SIN3A: variants seen among roughly 807,000 people sequenced by gnomAD.
The protein encoded by SIN3A is SIN3 transcription regulator family member A.
Under a neutral mutation model 146.1 loss-of-function variants are expected in SIN3A, and 14 were observed. The observed-to-expected ratio is 0.10, with a 90% CI of 0.06 to 0.15. The LOEUF is 0.15. Among genes scored for constraint, SIN3A ranks in the 10% least tolerant of loss-of-function variants. The pLI, the probability that SIN3A is intolerant of heterozygous loss-of-function variation, is 1.00. For synonymous variants in SIN3A, 572 were observed against 572.0 expected, an observed-to-expected ratio of 1.00 and a Z score of 0.00; for missense variants, 1,028 against 1,576.0, an observed-to-expected ratio of 0.65 and a Z score of 5.89.
intron 2 of SIN3A, among the ~76,000 whole-genome samples, chr15:75,426,542 T>C (rs1301896952): frequency 1.3e-5 from 2 of 152,228 alleles, no homozygotes; most frequent in Admixed American, 6.5e-5. Flanking sequence ...CCCAGACCAG[T>C]TATATGCTGA....
chr15:75,389,700 G>A lies in SIN3A; in HGVS notation c.2973C>T (p.Ala991=), dbSNP rs758951618. The change falls in exon 16 of 21, where the codon GCC becomes GCT. Residue 991 remains alanine (A), a synonymous_variant. Coordinates refer to ENST00000394947, the MANE Select transcript of SIN3A (RefSeq NM_001145358.2). The stretch of plus-strand genomic sequence containing the variant: ...GTTTGTCCATGGTAAAGGCAATGTA[G>A]GCATGAATGGTGAACATCTCTCTCA... ...DSLREMFTIH[A]YIAFTMDKLI... is the part of the protein sequence containing the mutation. 7 of 1,614,002 alleles carry A rather than the reference G, an allele frequency of 4.3e-6. No homozygotes were observed. The East Asian group carries it at 1.6e-4, about 36-fold the overall frequency.
rs529285402 is a variant in SIN3A at position 75,442,227 on chromosome 15, G to A, written c.-34+9196C>T. 5.1e-5 allele frequency among the ~76,000 whole-genome samples: 7 copies of A among 138,332 alleles called. No individual in the cohort carries two copies. In the South Asian group the frequency reaches 1.6e-3, roughly 31 times the overall value. The allele number at this position is 138,332 out of a possible 152,430, so 90.8% of individuals were successfully genotyped here. On this transcript the variant is annotated intron_variant, in intron 1 of 20. Coordinates refer to ENST00000394947, the MANE Select transcript of SIN3A (RefSeq NM_001145358.2). ...ATACATATACGTAACTTTGGCACCT[G>A]TCCACTTACAAACTGCATCAACTAA...
At chr15:75,410,071 C>G in intron 7 of SIN3A, 63 bp downstream of exon 7, 1 of 1,602,470 alleles carries the variant, frequency 6.2e-7, no homozygotes, top group Non-Finnish European at 8.5e-7. Flanking sequence ...CTTCTGAGCA[C>G]AGTTTTCCAA....
Position 75,396,425 on chromosome 15 carries a change from G to A in SIN3A, c.1926C>T (p.Arg642=), listed in dbSNP as rs774223504. 5.6e-6 allele frequency: 9 copies of A among 1,614,012 alleles called. No individual in the cohort carries two copies. Among genetic ancestry groups the A allele is most frequent in the Non-Finnish European group, 6.8e-6 (8 of 1,179,996 alleles). Residue 642 remains arginine (R), a synonymous_variant, in exon 13 of 21, where the codon CGC becomes CGT. Coordinates refer to ENST00000394947, the MANE Select transcript of SIN3A (RefSeq NM_001145358.2). ...VLEAIQKKLS[R]LSAEEQAKFR... is the part of the protein sequence containing the mutation. ...ATTTGGCTTGTTCTTCAGCAGACAA[G>A]CGGGAAAGCTTCTTCTGTATTGCTT...
chr15:75,434,738 C>T (rs914332383), intron 1 of SIN3A, among the ~76,000 whole-genome samples: 8 of 151,348 alleles, frequency 5.3e-5, no homozygotes, highest in African/African-American at 1.9e-4. Context: ...CACCTGACGT[C>T]GGGAGTTTGA....
At chr15:75,393,616 C>T (rs965255613) in intron 14 of SIN3A, among the ~76,000 whole-genome samples, 4 of 152,210 alleles carry the variant, frequency 2.6e-5, no homozygotes, top group South Asian at 2.1e-4. Flanking sequence ...CTCAAGTTAT[C>T]TGTCCACCTC....
In SIN3A at chr15:75,384,288, T is replaced by A. The variant is rs545728283; in HGVS notation, c.3171A>T (p.Leu1057=). The change falls in exon 17 of 21, where the codon CTA becomes CTT. Residue 1057 remains leucine (L), a synonymous_variant. Transcript: ENST00000394947. ...ESTYQRKAEQ[L]MSDENCFKLM... is the part of the protein sequence containing the mutation. Reference sequence around the variant, plus strand: ...CCTTAAAGCAATTCTCATCTGACATTAGCTGCTCAGCTTTCCGCTGATACG... The same window carrying A: ...CCTTAAAGCAATTCTCATCTGACATAAGCTGCTCAGCTTTCCGCTGATACG... 6.2e-7 allele frequency: 1 copy of A among 1,612,852 alleles called. No homozygotes were observed. The highest frequency in any genetic ancestry group is 1.1e-5 in the South Asian group (1 of 90,950).
chr15:75,380,876 T>G, intron 18 of SIN3A, 153 bp from the exon 19 acceptor site: 1 of 607,702 alleles, frequency 1.6e-6, no homozygotes, highest in Non-Finnish European at 3.0e-6. Flanking sequence ...TGATTGTTAG[T>G]AGGTATTGGA....
At chr15:75,374,754 T>C (rs1465396986) in intron 20 of SIN3A, among the ~76,000 whole-genome samples, 5 of 152,204 alleles carry the variant, frequency 3.3e-5, no homozygotes, top group African/African-American at 4.8e-5. Flanking sequence ...CATCCTCTAC[T>C]CTTCACCAGG....
At chr15:75,450,249 C>CGG (rs2074378461) in intron 1 of SIN3A, among the ~76,000 whole-genome samples, 3 of 151,962 alleles carry the variant, frequency 2.0e-5, no homozygotes, top group Non-Finnish European at 4.4e-5. Context: ...TCCAAACTTT[C>CGG]CTGTTATAAA....
chr15:75,382,688 T>C (rs959117911), intron 17 of SIN3A, among the ~76,000 whole-genome samples: 1 of 152,208 alleles, frequency 6.6e-6, no homozygotes, highest in African/African-American at 2.4e-5. Flanking sequence ...GGCTCACACC[T>C]GTAATCCCAG....
Position 75,413,089 on chromosome 15 carries a change from A to T in SIN3A, c.474-44T>A, listed in dbSNP as rs149180559. 7 of 1,547,012 alleles carry T rather than the reference A, an allele frequency of 4.5e-6. No homozygotes were observed. In the East Asian group the frequency reaches 1.7e-4, roughly 37 times the overall value. On this transcript the variant is annotated intron_variant, in intron 4 of 20. Coordinates refer to ENST00000394947, the MANE Select transcript of SIN3A (RefSeq NM_001145358.2). ...AAAAGTGATAAACTGTAAGCTTAAC[A>T]AACACCCTGTTAAGAAAAAATTTCA... is the stretch of plus-strand genomic sequence containing the variant.
At chr15:75,455,323 C>G (rs951425208), upstream of SIN3A, among the ~76,000 whole-genome samples, 5 of 152,196 alleles carry the variant, frequency 3.3e-5, no homozygotes, top group African/African-American at 1.2e-4. Flanking sequence ...CGCCCCCTGC[C>G]GAGCCCGCAC....
intron 2 of SIN3A, among the ~76,000 whole-genome samples, chr15:75,426,601 A>G (rs924386058): frequency 6.6e-5 from 10 of 152,208 alleles, no homozygotes; most frequent in African/African-American, 2.2e-4. Context: ...AAACAGCACA[A>G]TAGTATGTAA....
Position 75,370,925 on chromosome 15 carries a change from G to A in SIN3A, c.*1054C>T. 1 of 144,138 alleles carries A rather than the reference G, an allele frequency of 6.9e-6. No individual in the cohort carries two copies. Among genetic ancestry groups the A allele is most frequent in the South Asian group, 2.2e-4 (1 of 4,518 alleles). 8.9% of individuals were successfully genotyped at this position (144,138 alleles called of 1,614,324 possible). A position where few individuals can be genotyped will look rare whatever the true frequency, so the allele number is the denominator to read the frequency against. On this transcript the variant is annotated 3_prime_UTR_variant, in exon 21 of 21. Coordinates refer to ENST00000394947, the MANE Select transcript of SIN3A (RefSeq NM_001145358.2). ...TGAGGACAAGGGACGTGGGTTGAGA[G>A]TTTATTCCTTAAGTAAGAACCAAGC...
intron 1 of SIN3A, among the ~76,000 whole-genome samples, chr15:75,440,338 C>T (rs978845202): frequency 2.0e-5 from 3 of 151,282 alleles, no homozygotes; most frequent in African/African-American, 7.3e-5. Context: ...TCAAGCAATT[C>T]CTGTGCCTCA....
rs1052589663 is a variant in SIN3A at position 75,400,609 on chromosome 15, A to G, written c.1737+121T>C. On this transcript the variant is annotated intron_variant, in intron 11 of 20. Transcript: ENST00000394947. Reference sequence around the variant, plus strand: ...AAAAAGTAGAAAACATTTTCTTTTTAAAAAGGATTAAAAGGGTTCTTAATT... The same window carrying G: ...AAAAAGTAGAAAACATTTTCTTTTTGAAAAGGATTAAAAGGGTTCTTAATT... 3 of 783,064 alleles carry G rather than the reference A, an allele frequency of 3.8e-6. No homozygotes were observed. In the African/African-American group the frequency reaches 5.3e-5, roughly 14 times the overall value. 48.5% of individuals were successfully genotyped at this position (783,064 alleles called of 1,614,324 possible).
chr15:75,411,314 C>G (rs1222503172), intron 6 of SIN3A, among the ~76,000 whole-genome samples, 178 bp downstream of exon 6: 1 of 152,158 alleles, frequency 6.6e-6, no homozygotes, highest in East Asian at 1.9e-4. Flanking sequence ...GGTGACAGTG[C>G]AAGACTCCGT....
intron 2 of SIN3A, among the ~76,000 whole-genome samples, chr15:75,429,230 G>GAGCAACAC (rs1327861202): frequency 1.6e-4 from 24 of 152,030 alleles, no homozygotes; most frequent in African/African-American, 5.8e-4. Flanking sequence ...GGACCAGCCT[G>GAGCAACAC]AGCAACACAG....
Sources: gnomAD v4.1 joint callset for allele counts (sites outside exome capture counted in the v4.1 genomes callset) on GRCh38, gnomAD v4.1.1 for gene constraint, MANE v1.5 for transcripts, NCBI Gene and HGNC (gene_info 2026-07-23, HGNC 2026-07-21) for gene names.